Variants in DHRSX observed in about 807,000 individuals in gnomAD.
The protein encoded by DHRSX is dehydrogenase/reductase X-linked, also known as polyprenol dehydrogenase.
In DHRSX, 31 loss-of-function variants were observed where a neutral mutation model predicts 34.0. The observed-to-expected ratio is 0.91, with a 90% CI of 0.69 to 1.23. The LOEUF (loss-of-function observed/expected upper bound fraction) is 1.23. Ranked by LOEUF, DHRSX falls within the 50% of genes most tolerant of loss-of-function variation. The pLI is 0.00. For missense variants in DHRSX, 414 were observed against 428.1 expected, an observed-to-expected ratio of 0.97 and a Z score of 0.29; for synonymous variants, 201 against 183.8, an observed-to-expected ratio of 1.09 and a Z score of -0.76.
rs182005838 is a variant in DHRSX at position 2,360,562 on chromosome X, A to G, written c.286+48183T>C. On this transcript the variant is annotated intron_variant, in intron 3 of 6. Transcript: ENST00000334651. ...CGCGCCACTGCACTCCAGCCTGGGC[A>G]ACAGAGTGAGACTCTGTTTCAACAA... 7.9e-3 allele frequency among the ~76,000 whole-genome samples: 1,199 copies of G among 152,164 alleles called. 18 individuals carry two copies. Among genetic ancestry groups the G allele is most frequent in the African/African-American group, 0.027 (1,114 of 41,502 alleles).
intron 1 of DHRSX, among the ~76,000 whole-genome samples, chrX:2,474,596 C>T (rs180974279): frequency 6.6e-6 from 1 of 150,648 alleles, no homozygotes; most frequent in Non-Finnish European, 1.5e-5. Flanking sequence ...GATCCCTAAG[C>T]TTGTGGCTAA....
intron 3 of DHRSX, among the ~76,000 whole-genome samples, chrX:2,370,419 G>A (rs191429867): frequency 1.8e-4 from 27 of 151,956 alleles, no homozygotes; most frequent in Non-Finnish European, 2.2e-4. Flanking sequence ...TGATCCACCC[G>A]CCTCGGCATC....
intron 2 of DHRSX, among the ~76,000 whole-genome samples, chrX:2,412,861 T>C (rs1461387202): frequency 6.6e-6 from 1 of 152,162 alleles, no homozygotes; most frequent in African/African-American, 2.4e-5. Context: ...ATCTCACCCA[T>C]ATGTAGAGTC....
chrX:2,340,783 C>T (rs891459057), intron 3 of DHRSX, among the ~76,000 whole-genome samples: 2 of 151,984 alleles, frequency 1.3e-5, no homozygotes, highest in African/African-American at 4.8e-5. Flanking sequence ...GAGGAGACAT[C>T]AGACAACTGG....
chrX:2,494,399 T>C (rs1297147489), intron 1 of DHRSX, among the ~76,000 whole-genome samples: 2 of 151,966 alleles, frequency 1.3e-5, no homozygotes, highest in Non-Finnish European at 2.9e-5. Context: ...CTATTATTAT[T>C]ACTTTTGTTA....
chrX:2,490,202 A>T (rs1383361981), intron 1 of DHRSX: 1 of 1,613,918 alleles, frequency 6.2e-7, no homozygotes, highest in Non-Finnish European at 8.5e-7. Context: ...CTTCTCAGGG[A>T]TGGCCTTGGT....
intron 5 of DHRSX, among the ~76,000 whole-genome samples, chrX:2,264,319 G>A (rs1435162438): frequency 6.7e-6 from 1 of 149,210 alleles, no homozygotes; most frequent in African/African-American, 2.5e-5. Context: ...AGGGAGCACC[G>A]TGCCCAGAGC....
intron 3 of DHRSX, among the ~76,000 whole-genome samples, chrX:2,380,599 G>C (rs1023112403): frequency 1.3e-5 from 2 of 152,094 alleles, no homozygotes; most frequent in Non-Finnish European, 2.9e-5. Context: ...TTGAGGGAGG[G>C]ACCTGGTGGG....
intron 4 of DHRSX, among the ~76,000 whole-genome samples, chrX:2,283,871 C>T: frequency 6.6e-6 from 1 of 152,090 alleles, no homozygotes; most frequent in East Asian, 1.9e-4. Context: ...CATTTGAATT[C>T]ATTCATTCAT....
intron 3 of DHRSX, among the ~76,000 whole-genome samples, chrX:2,320,283 G>A (rs986803720): frequency 8.5e-6 from 1 of 118,080 alleles, no homozygotes; most frequent in East Asian, 2.8e-4. Context: ...ATTTCCCTAT[G>A]TGGACTTTTC....
chrX:2,481,027 C>A (rs1424700526), intron 1 of DHRSX, among the ~76,000 whole-genome samples: 1 of 151,952 alleles, frequency 6.6e-6, no homozygotes, highest in Non-Finnish European at 1.5e-5. Context: ...TGTTAATTAG[C>A]TTGTTAATAT....
intron 1 of DHRSX, among the ~76,000 whole-genome samples, chrX:2,452,626 G>T (rs1025279967): frequency 6.6e-6 from 1 of 151,978 alleles, no homozygotes; most frequent in Non-Finnish European, 1.5e-5. Context: ...CGTTCCCTAC[G>T]CATGCGGCCA....
chrX:2,449,925 G>T (rs183894097), intron 1 of DHRSX, among the ~76,000 whole-genome samples: 1 of 152,030 alleles, frequency 6.6e-6, no homozygotes, highest in African/African-American at 2.4e-5. Context: ...GAGCCACCAC[G>T]CCTGGCCATG....
intron 3 of DHRSX, among the ~76,000 whole-genome samples, chrX:2,347,737 G>C (rs2042738560): frequency 6.6e-6 from 1 of 152,108 alleles, no homozygotes; most frequent in Non-Finnish European, 1.5e-5. Context: ...AACCATATGA[G>C]ATGTAATGAG....
At chrX:2,495,821 G>A (rs762243713) in intron 1 of DHRSX, among the ~76,000 whole-genome samples, 25 of 152,188 alleles carry the variant, frequency 1.6e-4, no homozygotes, top group African/African-American at 5.8e-4. Context: ...TCAGGGGGCC[G>A]GCGATTTCAC....
At chrX:2,269,164 A>G (rs1175703109) in intron 4 of DHRSX, among the ~76,000 whole-genome samples, 1 of 152,228 alleles carries the variant, frequency 6.6e-6, no homozygotes, top group Non-Finnish European at 1.5e-5. Context: ...ATGTAGGTCT[A>G]GCATTTGTCT....
chrX:2,418,164 C>T (rs1176871506), intron 2 of DHRSX, among the ~76,000 whole-genome samples: 2 of 152,116 alleles, frequency 1.3e-5, no homozygotes, highest in African/African-American at 4.8e-5. Context: ...TCTCATCATG[C>T]TGTTACTGAA....
chrX:2,346,343 G>A (rs150297714), intron 3 of DHRSX, among the ~76,000 whole-genome samples: 39 of 152,158 alleles, frequency 2.6e-4, no homozygotes, highest in African/African-American at 7.7e-4. Context: ...GATTTAATAC[G>A]TGCTCAAATA....
chrX:2,467,525 G>A (rs184196264), intron 1 of DHRSX, among the ~76,000 whole-genome samples: 28 of 152,166 alleles, frequency 1.8e-4, no homozygotes, highest in Non-Finnish European at 3.4e-4. Context: ...ACAGGAGACC[G>A]GACTGAAACA....
Sources: gnomAD v4.1 joint callset for allele counts (sites outside exome capture counted in the v4.1 genomes callset) on GRCh38, gnomAD v4.1.1 for gene constraint, MANE v1.5 for transcripts, NCBI Gene and HGNC (gene_info 2026-07-23, HGNC 2026-07-21) for gene names.